NEGR1: variants seen among roughly 807,000 people sequenced by gnomAD.
NEGR1 encodes neuronal growth regulator 1, also known as IgLON family member 4.
A neutral mutation model predicts 40.9 loss-of-function variants in NEGR1; 10 were observed. The ratio of observed to expected loss-of-function variants is 0.24; its 90% CI spans 0.15 to 0.42. The LOEUF (loss-of-function observed/expected upper bound fraction) is 0.42, where lower values mean the gene tolerates loss of function less well. NEGR1 is among the 10% of genes least tolerant of loss of function. NEGR1 has a pLI of 1.00. For synonymous variants in NEGR1, 185 were observed against 166.8 expected (o/e 1.11, Z -0.84); for missense variants, 352 against 438.9 (o/e 0.80, Z 1.77).
intron 1 of NEGR1, among the ~76,000 whole-genome samples, chr1:72,006,554 A>G (rs996391413): frequency 5.9e-5 from 9 of 152,216 alleles, no homozygotes; most frequent in African/African-American, 1.9e-4. Context: ...GAGGTGCCAC[A>G]CTACAGATCC....
chr1:72,149,879 C>CAAAAAAAAAAAAAAAAAAAAACAA (rs1651051631), intron 1 of NEGR1, among the ~76,000 whole-genome samples: 1 of 39,394 alleles, frequency 2.5e-5, no homozygotes. Flanking sequence ...AAAACTCTGT[C>CAAAAAAAAAAAAAAAAAAAAACAA]AAAAAAAAAA....
intron 1 of NEGR1, among the ~76,000 whole-genome samples, chr1:72,143,926 TATA>T (rs1650801330): frequency 8.3e-6 from 1 of 121,122 alleles, no homozygotes; most frequent in Non-Finnish European, 1.8e-5. Flanking sequence ...TATATATATA[TATA>T]TATATATATA....
At chr1:71,937,104 CAG>C (rs1419095761) in intron 1 of NEGR1, among the ~76,000 whole-genome samples, 5 of 152,122 alleles carry the variant, frequency 3.3e-5, no homozygotes, top group African/African-American at 1.2e-4. Flanking sequence ...TGAAACTAAT[CAG>C]TGGGTGAAAA....
chr1:71,512,987 T>C (rs1271054936), intron 6 of NEGR1, among the ~76,000 whole-genome samples: 1 of 152,184 alleles, frequency 6.6e-6, no homozygotes, highest in African/African-American at 2.4e-5. Flanking sequence ...AGTTTTACTA[T>C]ACATATAACA....
chr1:71,638,135 G>T (rs1028940591), intron 4 of NEGR1, among the ~76,000 whole-genome samples: 1 of 151,970 alleles, frequency 6.6e-6, no homozygotes, highest in African/African-American at 2.4e-5. Context: ...TATTCCACAA[G>T]CACTTTAAAC....
At chr1:72,161,050 T>C (rs1298213431) in intron 1 of NEGR1, among the ~76,000 whole-genome samples, 6 of 152,300 alleles carry the variant, frequency 3.9e-5, no homozygotes, top group African/African-American at 2.4e-5. Flanking sequence ...CTGAGTTGTA[T>C]GTTATCACTT....
intron 1 of NEGR1, among the ~76,000 whole-genome samples, chr1:72,028,997 G>A (rs576784794): frequency 7.9e-5 from 12 of 152,178 alleles, no homozygotes; most frequent in Admixed American, 5.2e-4. Context: ...ATGATAGTGC[G>A]AATATATCTA....
intron 4 of NEGR1, among the ~76,000 whole-genome samples, chr1:71,680,978 T>C (rs1652820262): frequency 1.3e-5 from 2 of 152,136 alleles, no homozygotes; most frequent in Non-Finnish European, 1.5e-5. Flanking sequence ...ATAACAAAAG[T>C]TTACATTCCT....
chr1:71,956,539 T>C (rs1646121019), intron 1 of NEGR1, among the ~76,000 whole-genome samples: 2 of 151,980 alleles, frequency 1.3e-5, no homozygotes, highest in South Asian at 4.1e-4. Context: ...ATAAGTAACC[T>C]GAGACATTAT....
chr1:71,401,762 A>T lies in NEGR1; in HGVS notation c.*5684T>A, dbSNP rs1180385383. 6.6e-6 allele frequency: 1 copy of T among 152,134 alleles called. No individual in the cohort carries two copies. Among genetic ancestry groups the T allele is most frequent in the African/African-American group, 2.4e-5 (1 of 41,440 alleles). 9.4% of individuals were successfully genotyped at this position (152,134 alleles called of 1,614,324 possible). Reference sequence around the variant, plus strand: ...GTCTTAGTGGATTATCCCAAACTTGACACATTTTTTGCAAAATGCTATACA... The same window carrying T: ...GTCTTAGTGGATTATCCCAAACTTGTCACATTTTTTGCAAAATGCTATACA... On this transcript the variant is annotated 3_prime_UTR_variant, in exon 7 of 7. Transcript: ENST00000357731.
At chr1:71,976,963 C>G (rs1363137534) in intron 1 of NEGR1, among the ~76,000 whole-genome samples, 2 of 152,056 alleles carry the variant, frequency 1.3e-5, no homozygotes, top group South Asian at 2.1e-4. Context: ...ATTTTTAAGG[C>G]ACATTCAATA....
At chr1:71,898,700 T>C (rs1362626155) in intron 2 of NEGR1, among the ~76,000 whole-genome samples, 1 of 151,242 alleles carries the variant, frequency 6.6e-6, no homozygotes, top group African/African-American at 2.4e-5. Flanking sequence ...CGTTTGGACG[T>C]TCAAAACATA....
chr1:72,134,895 A>T (rs1650393155), intron 1 of NEGR1, among the ~76,000 whole-genome samples: 1 of 150,596 alleles, frequency 6.6e-6, no homozygotes, highest in Non-Finnish European at 1.5e-5. Context: ...GTTCCATAAC[A>T]CCCAGCTAAT....
intron 1 of NEGR1, among the ~76,000 whole-genome samples, chr1:71,993,640 C>G: frequency 6.6e-6 from 1 of 152,068 alleles, no homozygotes; most frequent in South Asian, 2.1e-4. Context: ...TAATAGCTAT[C>G]CAGGAGATGC....
chr1:71,617,072 C>T (rs1650469092), intron 4 of NEGR1, among the ~76,000 whole-genome samples: 1 of 152,144 alleles, frequency 6.6e-6, no homozygotes, highest in South Asian at 2.1e-4. Context: ...AGGAAAAAAA[C>T]ATAAACACAA....
chr1:71,980,926 G>T (rs1646349022), intron 1 of NEGR1, among the ~76,000 whole-genome samples: 1 of 151,928 alleles, frequency 6.6e-6, no homozygotes, highest in African/African-American at 2.4e-5. Context: ...TTATCATCAA[G>T]TCTATCTTTG....
In NEGR1 at chr1:71,407,360, C is replaced by A; in HGVS notation, c.*86G>T. 1 of 1,288,678 alleles carries A rather than the reference C, an allele frequency of 7.8e-7. No individual in the cohort carries two copies. 79.8% of individuals were successfully genotyped at this position (1,288,678 alleles called of 1,614,324 possible). On this transcript the variant is annotated 3_prime_UTR_variant, in exon 7 of 7. Transcript: ENST00000357731. ...TGTAAGCACTGCTGATTATATCCCA[C>A]GCTGCTTTTAACAAACTGTACCAGA...
intron 1 of NEGR1, among the ~76,000 whole-genome samples, chr1:71,961,754 A>C (rs968123855): frequency 1.3e-5 from 2 of 152,114 alleles, no homozygotes; most frequent in African/African-American, 4.8e-5. Flanking sequence ...TATCAATATT[A>C]ACAACTATCT....
At chr1:71,840,714 A>G (rs189738917) in intron 2 of NEGR1, among the ~76,000 whole-genome samples, 1 of 152,310 alleles carries the variant, frequency 6.6e-6, no homozygotes, top group Non-Finnish European at 1.5e-5. Flanking sequence ...CTGTGTCATG[A>G]TTAATTTTAT....
Sources: gnomAD v4.1 joint callset for allele counts (sites outside exome capture counted in the v4.1 genomes callset) on GRCh38, gnomAD v4.1.1 for gene constraint, MANE v1.5 for transcripts, NCBI Gene and HGNC (gene_info 2026-07-23, HGNC 2026-07-21) for gene names.